The following MACROD2 variants were observed in gnomAD, a reference collection of about 807,000 sequenced individuals.
MACROD2 encodes the protein mono-ADP ribosylhydrolase 2.
MACROD2 carries 36 observed loss-of-function variants against 70.4 expected under a neutral mutation model. The observed-to-expected ratio is 0.51, with a 90% CI of 0.39 to 0.68. The LOEUF is 0.68. Among genes scored for constraint, MACROD2 ranks in the 30% least tolerant of loss-of-function variants. MACROD2 has a pLI of 0.00. For synonymous variants in MACROD2, 172 were observed against 178.8 expected (o/e 0.96, Z 0.30); for missense variants, 496 against 538.4 (o/e 0.92, Z 0.78).
At chr20:14,228,147 A>G (rs1014484474) in intron 3 of MACROD2, among the ~76,000 whole-genome samples, 9 of 141,360 alleles carry the variant, frequency 6.4e-5, no homozygotes, top group South Asian at 2.3e-4. Context: ...AAAACTATAT[A>G]TATAGTTTTT....
At chr20:14,062,632 T>A (rs2053703857) in intron 2 of MACROD2, among the ~76,000 whole-genome samples, 1 of 152,172 alleles carries the variant, frequency 6.6e-6, no homozygotes, top group Non-Finnish European at 1.5e-5. Flanking sequence ...GAGACTTTTA[T>A]CTTTTAATTT....
intron 3 of MACROD2, among the ~76,000 whole-genome samples, chr20:14,171,752 A>G (rs888410707): frequency 1.1e-4 from 16 of 152,210 alleles, no homozygotes; most frequent in African/African-American, 1.4e-4. Context: ...TTTGTGGGCT[A>G]TCATGTTGTC....
chr20:14,366,371 C>CTTT (rs57269509), intron 3 of MACROD2, among the ~76,000 whole-genome samples: 4 of 137,850 alleles, frequency 2.9e-5, no homozygotes, highest in Non-Finnish European at 4.6e-5. Flanking sequence ...TAACTTGTAA[C>CTTT]TTTTTTTTTT....
At chr20:15,844,230 G>T (rs2064204719) in intron 8 of MACROD2, among the ~76,000 whole-genome samples, 1 of 151,988 alleles carries the variant, frequency 6.6e-6, no homozygotes, top group Admixed American at 6.6e-5. Context: ...TCCCTAGGAG[G>T]AGCAGGTCTG....
At chr20:14,048,520 T>C (rs1047231150) in intron 2 of MACROD2, among the ~76,000 whole-genome samples, 3 of 152,192 alleles carry the variant, frequency 2.0e-5, no homozygotes, top group African/African-American at 7.2e-5. Context: ...CCCAAAAAAC[T>C]ATCTATGGGA....
At chr20:14,001,599 A>C (rs989542611) in intron 1 of MACROD2, among the ~76,000 whole-genome samples, 42 of 152,126 alleles carry the variant, frequency 2.8e-4, no homozygotes, top group African/African-American at 8.5e-4. Flanking sequence ...AAGACTGAGT[A>C]ATTTATTAAA....
intron 5 of MACROD2, among the ~76,000 whole-genome samples, chr20:15,156,225 T>A (rs183381162): frequency 2.0e-5 from 3 of 152,340 alleles, no homozygotes; most frequent in Admixed American, 2.0e-4. Context: ...GACTGCATTC[T>A]ATAGTAAAAA....
intron 5 of MACROD2, among the ~76,000 whole-genome samples, chr20:14,703,618 A>G (rs1214213119): frequency 6.6e-6 from 1 of 152,230 alleles, no homozygotes; most frequent in Non-Finnish European, 1.5e-5. Flanking sequence ...GGGAGGCTTG[A>G]GGCCAGGAGT....
At chr20:14,660,286 G>T (rs896398529) in intron 4 of MACROD2, among the ~76,000 whole-genome samples, 7 of 152,104 alleles carry the variant, frequency 4.6e-5, no homozygotes, top group Admixed American at 4.6e-4. Context: ...TAAATAATTT[G>T]TTTCAGAAGG....
chr20:14,348,887 A>G (rs1396837768), intron 3 of MACROD2, among the ~76,000 whole-genome samples: 1 of 151,992 alleles, frequency 6.6e-6, no homozygotes, highest in African/African-American at 2.4e-5. Context: ...GGGCAACATG[A>G]TGAAGTCCCA....
At chr20:15,940,906 A>G (rs1482891400) in intron 12 of MACROD2, among the ~76,000 whole-genome samples, 1 of 152,208 alleles carries the variant, frequency 6.6e-6, no homozygotes, top group Non-Finnish European at 1.5e-5. Context: ...TAAAAATTTT[A>G]AAGTGTCATG....
chr20:14,410,512 A>G lies in MACROD2; in HGVS notation c.272-82967A>G, dbSNP rs575297204. On this transcript the variant is annotated intron_variant, in intron 3 of 17. Transcript: ENST00000684519. ...CTGTTCCTGTGTTAATGCGTTTAGG[A>G]TGATGGCCTTTAGCTGCAGCATGTC... Among the ~76,000 whole-genome samples the G allele has an allele frequency of 3.2e-4, 48 of 152,168 alleles. 1 individual carries two copies. The South Asian group carries it at 9.1e-3, about 29-fold the overall frequency.
chr20:15,953,428 A>G (rs1285595868), intron 12 of MACROD2, among the ~76,000 whole-genome samples: 2 of 152,160 alleles, frequency 1.3e-5, no homozygotes, highest in African/African-American at 4.8e-5. Flanking sequence ...AATTACCCCA[A>G]TCTGATCACT....
chr20:14,737,032 G>A (rs1386206708), intron 5 of MACROD2, among the ~76,000 whole-genome samples: 1 of 152,008 alleles, frequency 6.6e-6, no homozygotes, highest in East Asian at 1.9e-4. Flanking sequence ...GTATACACAT[G>A]CCATGGTGGT....
intron 3 of MACROD2, among the ~76,000 whole-genome samples, chr20:14,410,364 T>C (rs1423677504): frequency 6.6e-6 from 1 of 152,058 alleles, no homozygotes; most frequent in African/African-American, 2.4e-5. Flanking sequence ...CAGTTAGTTT[T>C]TAAATCCTCA....
chr20:15,141,372 G>A lies in MACROD2; in HGVS notation c.419-88568G>A, dbSNP rs538164757. ...AGAATTTACATGCATTCAGGTACTCGCATACATACATATAGATATACACGT... is the reference window on the plus strand; with the variant it reads ...AGAATTTACATGCATTCAGGTACTCACATACATACATATAGATATACACGT... On this transcript the variant is annotated intron_variant, in intron 5 of 17. Transcript: ENST00000684519. Among the ~76,000 whole-genome samples the A allele has an allele frequency of 6.3e-4, 95 of 151,542 alleles. 1 individual carries two copies. The highest frequency in any genetic ancestry group is 1.2e-3 in the Non-Finnish European group (83 of 67,842).
At chr20:15,261,581 G>T (rs566905344) in intron 6 of MACROD2, among the ~76,000 whole-genome samples, 17 of 151,672 alleles carry the variant, frequency 1.1e-4, no homozygotes, top group Non-Finnish European at 2.2e-4. Flanking sequence ...TTTCTTTTTA[G>T]GTCATTTAAA....
At chr20:14,757,943 C>A in intron 5 of MACROD2, 1 of 1,012,490 alleles carries the variant, frequency 9.9e-7, no homozygotes, top group Non-Finnish European at 1.6e-6. Context: ...TACCTACAGA[C>A]GGAGTGCTGT....
intron 6 of MACROD2, among the ~76,000 whole-genome samples, chr20:15,311,567 A>G (rs907136095): frequency 3.3e-5 from 5 of 152,190 alleles, no homozygotes; most frequent in African/African-American, 1.2e-4. Context: ...GATAAAGAAA[A>G]CGTGGTACGT....
Sources: gnomAD v4.1 joint callset for allele counts (sites outside exome capture counted in the v4.1 genomes callset) on GRCh38, gnomAD v4.1.1 for gene constraint, MANE v1.5 for transcripts, NCBI Gene and HGNC (gene_info 2026-07-23, HGNC 2026-07-21) for gene names.